ZCCHC7: variants seen among roughly 807,000 people sequenced by gnomAD.
ZCCHC7 encodes the protein zinc finger CCHC-type containing 7.
In ZCCHC7, 35 loss-of-function variants were observed where a neutral mutation model predicts 52.0. The observed-to-expected ratio is 0.67, with a 90% CI of 0.51 to 0.89. The LOEUF (loss-of-function observed/expected upper bound fraction) is 0.89. Among genes scored for constraint, ZCCHC7 ranks in the 40% least tolerant of loss-of-function variants. The probability of loss-of-function intolerance (pLI) is 0.00; values close to 1 mark genes in which losing one functional copy is unlikely to be tolerated. For synonymous variants in ZCCHC7, 217 were observed against 221.5 expected (o/e 0.98, Z 0.18); for missense variants, 574 against 649.1 (o/e 0.88, Z 1.26).
At chr9:37,274,806 A>G (rs2133530983) in intron 2 of ZCCHC7, among the ~76,000 whole-genome samples, 1 of 151,618 alleles carries the variant, frequency 6.6e-6, no homozygotes, top group South Asian at 2.1e-4. Flanking sequence ...CTTGCTTTCC[A>G]TATTTAGGAA....
intron 2 of ZCCHC7, among the ~76,000 whole-genome samples, chr9:37,199,298 GTTTCTT>G (rs1823461554): frequency 7.0e-6 from 1 of 143,812 alleles, no homozygotes; most frequent in South Asian, 2.3e-4. Context: ...GGTTTCTACT[GTTTCTT>G]TTTCTTTTTT....
intron 2 of ZCCHC7, among the ~76,000 whole-genome samples, 168 bp from the exon 3 acceptor site, chr9:37,302,020 C>T (rs761338138): frequency 6.6e-6 from 1 of 152,086 alleles, no homozygotes; most frequent in Non-Finnish European, 1.5e-5. Flanking sequence ...AGTATTTGTC[C>T]AGGGCCACAT....
At chr9:37,163,994 T>C (rs1821262708) in intron 2 of ZCCHC7, among the ~76,000 whole-genome samples, 1 of 152,204 alleles carries the variant, frequency 6.6e-6, no homozygotes, top group Non-Finnish European at 1.5e-5. Flanking sequence ...TTGTATTCTG[T>C]TTATTTGTCT....
Position 37,126,637 on chromosome 9 carries a change from G to A in ZCCHC7, c.305G>A (p.Arg102Lys), listed in dbSNP as rs745433646. The change falls in exon 2 of 9, where the codon AGA (arginine) becomes AAA (lysine). Residue 102 changes from arginine to lysine, a missense_variant. Around this residue, in one of 3 missense-constraint regions of ZCCHC7, gnomAD observed 403 missense variants for 461.2 expected, o/e 0.87. Coordinates refer to ENST00000336755, the MANE Select transcript of ZCCHC7 (RefSeq NM_032226.3). ...ITLSDEDSIY[R>K]CKGKNVRVQA... ...TTGTCTGATGAAGACAGTATTTATA[G>A]ATGTAAAGGAAAGAATGTTAGAGTT... 2 of 1,614,186 alleles carry A rather than the reference G, an allele frequency of 1.2e-6. No individual in the cohort carries two copies. Among genetic ancestry groups the A allele is most frequent in the Admixed American group, 3.3e-5 (2 of 60,034 alleles).
At chr9:37,120,402 G>T, upstream of ZCCHC7, 1 of 389,374 alleles carries the variant, frequency 2.6e-6, no homozygotes. Context: ...TAATAATTAT[G>T]GGCGGGGCAG....
At chr9:37,282,441 A>G (rs1436440227) in intron 2 of ZCCHC7, among the ~76,000 whole-genome samples, 4 of 151,840 alleles carry the variant, frequency 2.6e-5, no homozygotes, top group Non-Finnish European at 5.9e-5. Context: ...CGTCTCTACT[A>G]AAAATACACA....
intron 2 of ZCCHC7, among the ~76,000 whole-genome samples, chr9:37,279,430 A>C (rs190328449): frequency 6.6e-6 from 1 of 152,216 alleles, no homozygotes; most frequent in South Asian, 2.1e-4. Context: ...AGACAAAAAA[A>C]CATAAGGACA....
At chr9:37,161,522 C>G (rs1331420334) in intron 2 of ZCCHC7, among the ~76,000 whole-genome samples, 1 of 151,896 alleles carries the variant, frequency 6.6e-6, no homozygotes, top group Non-Finnish European at 1.5e-5. Flanking sequence ...TTGCAGTGAG[C>G]CAAGATGGCG....
At chr9:37,155,235 C>T (rs1255711217) in intron 2 of ZCCHC7, among the ~76,000 whole-genome samples, 6 of 152,006 alleles carry the variant, frequency 3.9e-5, no homozygotes, top group Admixed American at 3.9e-4. Context: ...GTGGTGGGCG[C>T]ACGTAGTCCC....
chr9:37,211,507 AT>A (rs139339636), intron 2 of ZCCHC7, among the ~76,000 whole-genome samples: 5 of 151,686 alleles, frequency 3.3e-5, no homozygotes, highest in East Asian at 3.9e-4. Context: ...CACACTAGAG[AT>A]TTTTTTTTAT....
At chr9:37,336,888 T>G (rs1830689566) in intron 6 of ZCCHC7, among the ~76,000 whole-genome samples, 1 of 152,288 alleles carries the variant, frequency 6.6e-6, no homozygotes, top group Admixed American at 6.5e-5. Context: ...ATGTACTAAA[T>G]GGTTTCTTTG....
At chr9:37,321,178 T>C (rs1830037633) in intron 5 of ZCCHC7, among the ~76,000 whole-genome samples, 1 of 151,742 alleles carries the variant, frequency 6.6e-6, no homozygotes, top group South Asian at 2.1e-4. Flanking sequence ...TTAGTAGATA[T>C]GGGGTTTCAT....
At chr9:37,326,725 A>C (rs1830258235) in intron 5 of ZCCHC7, among the ~76,000 whole-genome samples, 1 of 152,068 alleles carries the variant, frequency 6.6e-6, no homozygotes, top group Non-Finnish European at 1.5e-5. Context: ...TGTTAGTCTT[A>C]TCAATACTTT....
chr9:37,269,640 AAAAAAAC>A (rs1827302712), intron 2 of ZCCHC7, among the ~76,000 whole-genome samples: 5 of 148,724 alleles, frequency 3.4e-5, no homozygotes, highest in South Asian at 2.1e-4. Context: ...AAAAAAAAAA[AAAAAAAC>A]AAAAGAAGTT....
At chr9:37,173,571 G>A (rs566754638) in intron 2 of ZCCHC7, among the ~76,000 whole-genome samples, 97 of 152,282 alleles carry the variant, frequency 6.4e-4, no homozygotes, top group African/African-American at 1.8e-3. Context: ...CAAATCTATT[G>A]TATAGAGCCA....
At chr9:37,165,773 A>G (rs1052912946) in intron 2 of ZCCHC7, among the ~76,000 whole-genome samples, 2 of 152,226 alleles carry the variant, frequency 1.3e-5, no homozygotes, top group Non-Finnish European at 2.9e-5. Flanking sequence ...TTTCAGTGTG[A>G]AAATAAAATA....
At chr9:37,185,877 G>T (rs1416580171) in intron 2 of ZCCHC7, among the ~76,000 whole-genome samples, 1 of 151,794 alleles carries the variant, frequency 6.6e-6, no homozygotes, top group African/African-American at 2.4e-5. Flanking sequence ...TTGTGGGAGG[G>T]GACACTATTT....
At chr9:37,132,242 A>G (rs1842815663) in intron 2 of ZCCHC7, among the ~76,000 whole-genome samples, 1 of 152,208 alleles carries the variant, frequency 6.6e-6, no homozygotes, top group South Asian at 2.1e-4. Flanking sequence ...GTTATGTAAG[A>G]CAACCAAATG....
chr9:37,259,366 C>T (rs1327398818), intron 2 of ZCCHC7, among the ~76,000 whole-genome samples: 1 of 152,064 alleles, frequency 6.6e-6, no homozygotes, highest in Non-Finnish European at 1.5e-5. Flanking sequence ...TTAATCATGA[C>T]TTTCTGGCTC....
Sources: allele counts gnomAD v4.1 joint callset (sites outside exome capture counted in the v4.1 genomes callset), GRCh38; gene constraint gnomAD v4.1.1; regional missense constraint gnomAD v4.1.1; transcripts MANE v1.5; gene names NCBI Gene and HGNC (gene_info 2026-07-23, HGNC 2026-07-21).